NFE2L1: variants seen among roughly 807,000 people sequenced by gnomAD.
NFE2L1 encodes the protein NFE2 like bZIP transcription factor 1.
Under a neutral mutation model 61.6 loss-of-function variants are expected in NFE2L1, and 18 were observed. That is an observed-to-expected ratio of 0.29 (90% confidence interval 0.20 to 0.43). NFE2L1 has a LOEUF of 0.43. Among genes scored for constraint, NFE2L1 ranks in the 20% least tolerant of loss-of-function variants. The probability of loss-of-function intolerance (pLI) is 1.00; values close to 1 mark genes in which losing one functional copy is unlikely to be tolerated. For missense variants in NFE2L1, 827 were observed against 973.5 expected (o/e 0.85, Z 2.00); for synonymous variants, 419 against 402.7 (o/e 1.04, Z -0.48).
chr17:48,055,522 G>A (rs1343621183), intron 2 of NFE2L1, among the ~76,000 whole-genome samples: 1 of 151,972 alleles, frequency 6.6e-6, no homozygotes, highest in East Asian at 1.9e-4. Context: ...GAGCAGTGAT[G>A]GGGTTTATGT....
Position 48,051,247 on chromosome 17 carries a change from C to G in NFE2L1, c.129C>G (p.Ile43Met). The change falls in exon 2 of 6, where the codon ATC becomes ATG. Residue 43 changes from isoleucine (I) to methionine (M), a missense_variant. Physicochemically the swap from Ile to Met is conservative, Grantham distance 10 (BLOSUM62 1). Transcript: ENST00000362042. ...AGCTTCCCCCACTCCGGGAGATCAT[C>G]CTGGGGCCCAGTTCTGCCTATACTC... The part of the protein sequence containing the change: ...TSQLPPLREI[I>M]LGPSSAYTQT... The G allele has an allele frequency of 6.2e-7, 1 of 1,614,156 alleles. No individual in the cohort carries two copies. Among genetic ancestry groups the G allele is most frequent in the Non-Finnish European group, 8.5e-7 (1 of 1,180,016 alleles).
chr17:48,053,474 CG>C (rs2037307640), intron 2 of NFE2L1, among the ~76,000 whole-genome samples: 1 of 152,142 alleles, frequency 6.6e-6, no homozygotes, highest in Non-Finnish European at 1.5e-5. Flanking sequence ...CTGCTGGAAC[CG>C]GTATTATCCC....
intron 1 of NFE2L1, among the ~76,000 whole-genome samples, chr17:48,050,117 C>A (rs934747479): frequency 3.9e-5 from 6 of 152,192 alleles, no homozygotes; most frequent in Non-Finnish European, 8.8e-5. Context: ...TTTGATAGTT[C>A]TTCTATGATC....
Position 48,058,569 on chromosome 17 carries a change from T to C in NFE2L1, c.1247T>C (p.Leu416Pro), listed in dbSNP as rs767549010. 2 of 1,613,724 alleles carry C rather than the reference T, an allele frequency of 1.2e-6. No homozygotes were observed. Among genetic ancestry groups the C allele is most frequent in the Non-Finnish European group, 1.7e-6 (2 of 1,179,726 alleles). The change falls in exon 6 of 6, where the codon CTC becomes CCC. Residue 416 changes from leucine to proline, a missense_variant. Physicochemically the swap from Leu to Pro is moderately conservative, Grantham distance 98. This residue lies in a region of NFE2L1 where 667 missense variants were observed against 748.4 expected (regional missense o/e 0.89). Transcript: ENST00000362042. ...STFGSTNLTGLFFPPQLNGTA... is the reference protein window; with the variant it reads ...STFGSTNLTGPFFPPQLNGTA... ...TTCGGCTCCACCAACCTGACAGGGC[T>C]CTTCTTTCCACCCCAGCTCAATGGC...
Position 48,051,888 on chromosome 17 carries a change from T to C in NFE2L1, c.510+260T>C, listed in dbSNP as rs549994637. Among the ~76,000 whole-genome samples, 6 of 152,204 alleles carry C rather than the reference T, an allele frequency of 3.9e-5. No individual in the cohort carries two copies. The East Asian group carries it at 7.7e-4, about 20-fold the overall frequency. On this transcript the variant is annotated intron_variant, in intron 2 of 5. Transcript: ENST00000362042. ...AGGTTCCTACACATGCCAGGGTGTT[T>C]ACTGCTTGGATTTCAGCGTGACTGC... is the stretch of plus-strand genomic sequence containing the variant.
Position 48,050,776 on chromosome 17 carries a change from A to G in NFE2L1, c.-343A>G, listed in dbSNP as rs2037229749. 8 of 547,348 alleles carry G rather than the reference A, an allele frequency of 1.5e-5. No homozygotes were observed. The highest frequency in any genetic ancestry group is 3.3e-5 in the Admixed American group (1 of 30,576). The allele number at this position is 547,348 out of a possible 1,614,324, so 33.9% of individuals were successfully genotyped here. The stretch of plus-strand genomic sequence containing the variant: ...TGCATTGGAATCTACAGAGAGGACA[A>G]CTAATGTGAGTGAGGAAGTGACTGT... On this transcript the variant is annotated 5_prime_UTR_variant, in exon 2 of 6. Transcript: ENST00000362042.
Position 48,050,914 on chromosome 17 carries a change from G to C in NFE2L1, c.-205G>C, listed in dbSNP as rs1045925310. The C allele has an allele frequency of 4.8e-6, 3 of 626,984 alleles. No individual in the cohort carries two copies. The highest frequency in any genetic ancestry group is 1.8e-5 in the African/African-American group (1 of 54,472). 38.8% of individuals were successfully genotyped at this position (626,984 alleles called of 1,614,324 possible). A position where few individuals can be genotyped will look rare whatever the true frequency, so the allele number is the denominator to read the frequency against. On this transcript the variant is annotated 5_prime_UTR_variant, in exon 2 of 6. Transcript: ENST00000362042. ...GAGAAGGGAAAGTGAATGTGGTCTG[G>C]AGTGTGTCCTTGGCCTTGGCTCCAC...
intron 1 of NFE2L1, among the ~76,000 whole-genome samples, chr17:48,050,110 G>C (rs2037210896): frequency 6.6e-6 from 1 of 152,240 alleles, no homozygotes; most frequent in East Asian, 1.9e-4. Flanking sequence ...AGCTTTCTTT[G>C]ATAGTTCTTC....
At chr17:48,052,189 G>A (rs1445749572) in intron 2 of NFE2L1, among the ~76,000 whole-genome samples, 1 of 152,102 alleles carries the variant, frequency 6.6e-6, no homozygotes, top group Non-Finnish European at 1.5e-5. Flanking sequence ...GCCCACTGCA[G>A]GGAGTAGGGA....
At position 48,059,360 on chromosome 17, in the gene NFE2L1, C is replaced by G; in HGVS notation, c.2038C>G (p.Leu680Val). The G allele has an allele frequency of 1.9e-6, 3 of 1,614,218 alleles. No homozygotes were observed. Among genetic ancestry groups the G allele is most frequent in the Non-Finnish European group, 2.5e-6 (3 of 1,180,050 alleles). ...CCGCAAGCGCAAGCTGGACACCATC[C>G]TGAATCTGGAGCGTGATGTGGAGGA... Reference protein sequence around the residue: ...NCRKRKLDTILNLERDVEDLQ... With the variant: ...NCRKRKLDTIVNLERDVEDLQ... The change falls in exon 6 of 6, where the codon CTG becomes GTG. Residue 680 changes from leucine to valine, a missense_variant. Coordinates refer to ENST00000362042, the MANE Select transcript of NFE2L1 (RefSeq NM_003204.3). This position sits in a 1 kb window ranked among gnomAD's most constrained non-coding sequence, Gnocchi z 6.1.
intron 2 of NFE2L1, chr17:48,054,652 G>A: frequency 7.9e-7 from 1 of 1,262,480 alleles, no homozygotes; most frequent in Non-Finnish European, 1.0e-6. Context: ...ACAAGTTTGG[G>A]GGGCGTGGGG....
chr17:48,057,834 C>T (rs1426139586), intron 5 of NFE2L1, among the ~76,000 whole-genome samples: 1 of 152,222 alleles, frequency 6.6e-6, no homozygotes, highest in African/African-American at 2.4e-5. Flanking sequence ...TCACATGGTG[C>T]TTCACAGCCA....
intron 2 of NFE2L1, chr17:48,056,176 C>CTTT: frequency 6.4e-6 from 4 of 620,404 alleles, no homozygotes; most frequent in Non-Finnish European, 8.6e-6. Context: ...GCTAGTGGCT[C>CTTT]TTTTTTTTTG....
At position 48,051,151 on chromosome 17, in the gene NFE2L1, A is replaced by G. The variant is rs775933356; in HGVS notation, c.33A>G (p.Gly11=). 1.2e-6 allele frequency: 2 copies of G among 1,614,066 alleles called. No homozygotes were observed. Among genetic ancestry groups the G allele is most frequent in the Non-Finnish European group, 8.5e-7 (1 of 1,180,022 alleles). The change falls in exon 2 of 6, where the codon GGA becomes GGG. Residue 11 remains glycine, a synonymous_variant. Coordinates refer to ENST00000362042, the MANE Select transcript of NFE2L1 (RefSeq NM_003204.3). MLSLKKYLTE[G]LLQFTILLSL... ...CTCTGAAGAAATACTTAACGGAAGG[A>G]CTTCTCCAGTTCACCATTCTGCTGA...
At chr17:48,052,494 T>C (rs1407099757) in intron 2 of NFE2L1, among the ~76,000 whole-genome samples, 1 of 152,060 alleles carries the variant, frequency 6.6e-6, no homozygotes, top group Non-Finnish European at 1.5e-5. Context: ...GAAAGCCCGA[T>C]TGGGTTTTTG....
chr17:48,056,344 C>T (rs1365537370), intron 2 of NFE2L1, 42 bp from the exon 3 acceptor site: 10 of 1,611,230 alleles, frequency 6.2e-6, no homozygotes, highest in Middle Eastern at 1.7e-4. Flanking sequence ...AAGGAAGGGA[C>T]CTTGGGATCT....
At chr17:48,056,253 G>C (rs956551674) in intron 2 of NFE2L1, 133 bp from the exon 3 acceptor site, 21 of 857,782 alleles carry the variant, frequency 2.4e-5, no homozygotes, top group Non-Finnish European at 3.6e-5. Context: ...AGGGGGTAAA[G>C]GCTGGCAGGT....
rs762505773 is a variant in NFE2L1, at chr17:48,058,852, TTCTTCCTCTGCC to T, written c.1539_1550del (p.Ala514_Ser517del). On this transcript the variant is annotated inframe_deletion, in exon 6 of 6. Transcript: ENST00000362042. ...CCTCCTCTTCCTCTTCTTCCTCTGCTTCTTCCTCTGCCTCTTCCTCCTTTTCTGAGGAAGGTG... is the reference window on the plus strand; with the variant it reads ...CCTCCTCTTCCTCTTCTTCCTCTGCTTCTTCCTCCTTTTCTGAGGAAGGTG... 8.1e-6 allele frequency: 13 copies of T among 1,613,778 alleles called. 1 individual carries two copies. In the South Asian group the frequency reaches 8.8e-5, roughly 11 times the overall value.
chr17:48,055,179 T>G (rs1426663341), intron 2 of NFE2L1: 4 of 1,290,048 alleles, frequency 3.1e-6, no homozygotes, highest in Non-Finnish European at 4.0e-6. Flanking sequence ...ACTAAAGTAG[T>G]ACGTCTGGGA....
Sources: allele counts gnomAD v4.1 joint callset (sites outside exome capture counted in the v4.1 genomes callset), GRCh38; gene constraint gnomAD v4.1.1; regional missense constraint gnomAD v4.1.1; non-coding constraint Gnocchi (gnomAD v3.1); transcripts MANE v1.5; gene names NCBI Gene and HGNC (gene_info 2026-07-23, HGNC 2026-07-21).